ZNF37A: variants seen among roughly 807,000 people sequenced by gnomAD.
The protein encoded by ZNF37A is zinc finger protein 37A, also known as zinc finger protein 37a (KOX 21).
ZNF37A carries 10 observed loss-of-function variants against 12.3 expected under a neutral mutation model. That is an observed-to-expected ratio of 0.82 (90% CI 0.50 to 1.38). ZNF37A has a LOEUF of 1.38. ZNF37A is among the 40% of genes most tolerant of loss of function. The probability of loss-of-function intolerance (pLI) is 0.00; values close to 1 mark genes in which losing one functional copy is unlikely to be tolerated. For synonymous variants in ZNF37A, 207 were observed against 223.0 expected (o/e 0.93, Z 0.64); for missense variants, 580 against 651.2 (o/e 0.89, Z 1.19).
At position 38,123,372 on chromosome 10, in the gene ZNF37A, T is replaced by C. The variant is rs2069825790; in HGVS notation, c.*4535T>C. ...TTAAAATAATAGCAGTTTCTATAAA[T>C]TTAATATTTCAATAAAACTCCCAGT... On this transcript the variant is annotated 3_prime_UTR_variant, in exon 8 of 8. Transcript: ENST00000685332. 6.6e-6 allele frequency: 1 copy of C among 152,202 alleles called. No individual in the cohort carries two copies. The highest frequency in any genetic ancestry group is 2.4e-5 in the African/African-American group (1 of 41,454). The allele number at this position is 152,202 out of a possible 1,614,324, so 9.4% of individuals were successfully genotyped here. A position where few individuals can be genotyped will look rare whatever the true frequency, so the allele number is the denominator to read the frequency against.
chr10:38,098,711 T>C (rs1271240788), intron 5 of ZNF37A, among the ~76,000 whole-genome samples: 1 of 152,238 alleles, frequency 6.6e-6, no homozygotes, highest in African/African-American at 2.4e-5. Context: ...TCAGTGTCTA[T>C]AAAGTTTTAT....
At chr10:38,133,636 G>A (rs997023264) in intron 7 of ZNF37A, among the ~76,000 whole-genome samples, 37 of 152,026 alleles carry the variant, frequency 2.4e-4, no homozygotes, top group African/African-American at 7.7e-4. Flanking sequence ...CCCTACAAAG[G>A]ACATGAACTC....
chr10:38,129,319 A>AAAAAAAAAAAAC, downstream of ZNF37A, among the ~76,000 whole-genome samples: 74 of 116,246 alleles, frequency 6.4e-4, 1 homozygote, highest in African/African-American at 1.9e-3. Flanking sequence ...AAAAAAAAAA[A>AAAAAAAAAAAAC]AAACTATTAT....
chr10:38,135,051 T>C (rs2070089398), intron 7 of ZNF37A, among the ~76,000 whole-genome samples: 2 of 152,210 alleles, frequency 1.3e-5, no homozygotes, highest in Admixed American at 6.5e-5. Flanking sequence ...CCTAAAGTTA[T>C]AACAATATAA....
rs773210216 is a variant in ZNF37A at position 38,115,278 on chromosome 10, C to T, written c.226C>T (p.Gln76Ter). The T allele has an allele frequency of 6.2e-7, 1 of 1,613,428 alleles. No individual in the cohort carries two copies. Among genetic ancestry groups the T allele is most frequent in the East Asian group, 2.2e-5 (1 of 44,808 alleles). The change falls in exon 7 of 8, where the codon CAG (glutamine) becomes TAG (stop). Residue 76 changes from glutamine to a stop codon, truncating the protein, a stop_gained. Transcript: ENST00000685332. LOFTEE classifies it low-confidence loss of function (END_TRUNC). ...PWILEEKFPS[Q>*]SHLELINTSR... The stretch of plus-strand genomic sequence containing the variant: ...GATATTAGAGGAAAAATTTCCAAGC[C>T]AGAGTCATCTGGGTGAGTTAGTATG...
chr10:38,105,177 G>A (rs2067956347), intron 5 of ZNF37A, among the ~76,000 whole-genome samples: 1 of 151,800 alleles, frequency 6.6e-6, no homozygotes, highest in South Asian at 2.1e-4. Flanking sequence ...GGCTAATTTT[G>A]TATTTTTAGT....
intron 5 of ZNF37A, among the ~76,000 whole-genome samples, chr10:38,098,587 C>T (rs2067327997): frequency 6.6e-6 from 1 of 151,840 alleles, no homozygotes; most frequent in Non-Finnish European, 1.5e-5. Context: ...TCCCCTAGGT[C>T]TTCTTTCCTT....
chr10:38,105,773 A>G (rs1386806675), intron 5 of ZNF37A, among the ~76,000 whole-genome samples: 1 of 152,064 alleles, frequency 6.6e-6, no homozygotes, highest in East Asian at 1.9e-4. Flanking sequence ...AAATGGAATT[A>G]TTTTCTGAAT....
At chr10:38,116,540 G>A (rs779461654) in intron 7 of ZNF37A, among the ~76,000 whole-genome samples, 3 of 152,076 alleles carry the variant, frequency 2.0e-5, no homozygotes, top group Non-Finnish European at 2.9e-5. Flanking sequence ...TACCTAGAGC[G>A]AAATATATTC....
At chr10:38,127,995 G>A (rs1317707145), downstream of ZNF37A, among the ~76,000 whole-genome samples, 1 of 152,086 alleles carries the variant, frequency 6.6e-6, no homozygotes, top group Admixed American at 6.5e-5. Flanking sequence ...CTGAGAGAGG[G>A]TGGTTATCTA....
At chr10:38,133,889 C>T (rs1403344732) in intron 7 of ZNF37A, among the ~76,000 whole-genome samples, 1 of 152,198 alleles carries the variant, frequency 6.6e-6, no homozygotes, top group Non-Finnish European at 1.5e-5. Flanking sequence ...GGAATTGCCA[C>T]ACTATCTTCC....
At position 38,119,764 on chromosome 10, in the gene ZNF37A, CAA is replaced by C. The variant is rs1055048923; in HGVS notation, c.*928_*929del. The C allele has an allele frequency of 1.3e-5, 2 of 152,120 alleles. No individual in the cohort carries two copies. Among genetic ancestry groups the C allele is most frequent in the African/African-American group, 2.4e-5 (1 of 41,404 alleles). The allele number at this position is 152,120 out of a possible 1,614,324, so 9.4% of individuals were successfully genotyped here. A position where few individuals can be genotyped will look rare whatever the true frequency, so the allele number is the denominator to read the frequency against. On this transcript the variant is annotated 3_prime_UTR_variant, in exon 8 of 8. Transcript: ENST00000685332. Reference sequence around the variant, plus strand: ...ATTTTTTAGCAAGGGGACCCACAAACAAGAGTGCTCTTGTATGTCCAGAAGAA... The same window carrying C: ...ATTTTTTAGCAAGGGGACCCACAAACGAGTGCTCTTGTATGTCCAGAAGAA...
chr10:38,118,323 C>T lies in ZNF37A; in HGVS notation c.1172C>T (p.Ala391Val). 1.2e-6 allele frequency: 2 copies of T among 1,613,772 alleles called. No individual in the cohort carries two copies. The highest frequency in any genetic ancestry group is 1.7e-6 in the Non-Finnish European group (2 of 1,179,968). The change falls in exon 8 of 8, where the codon GCC becomes GTC. Residue 391 changes from alanine (A) to valine (V), a missense_variant. Ala to Val is a moderately conservative substitution (Grantham distance 64, BLOSUM62 0). Transcript: ENST00000685332. ...TATGAATGCTATGCATGTGGGAAAGCCTTTCTCAGAAAATCAGACCTCATT... is the reference window on the plus strand; with the variant it reads ...TATGAATGCTATGCATGTGGGAAAGTCTTTCTCAGAAAATCAGACCTCATT... ...KPYECYACGK[A>V]FLRKSDLIKH...
Position 38,118,967 on chromosome 10 carries a change from T to C in ZNF37A, c.*130T>C. 1 of 1,244,828 alleles carries C rather than the reference T, an allele frequency of 8.0e-7. No homozygotes were observed. The highest frequency in any genetic ancestry group is 1.0e-6 in the Non-Finnish European group (1 of 965,258). 77.1% of individuals were successfully genotyped at this position (1,244,828 alleles called of 1,614,324 possible). A position where few individuals can be genotyped will look rare whatever the true frequency, so the allele number is the denominator to read the frequency against. ...GAGAACTTAAAGAGGGAAAAAACAA[T>C]ATGAAGATAGGGAATGCAGGAAAAC... On this transcript the variant is annotated 3_prime_UTR_variant, in exon 8 of 8. Transcript: ENST00000685332.
At position 38,117,657 on chromosome 10, in the gene ZNF37A, C is replaced by G; in HGVS notation, c.506C>G (p.Thr169Arg). 6.2e-7 allele frequency: 1 copy of G among 1,613,948 alleles called. No individual in the cohort carries two copies. Among genetic ancestry groups the G allele is most frequent in the South Asian group, 1.1e-5 (1 of 91,068 alleles). ...SLFLVHKRGY[T>R]GQKTCKYTEH... ...TTCCTTGTACATAAGAGAGGTTACA[C>G]AGGACAGAAAACCTGCAAATATACT... The change falls in exon 8 of 8, where the codon ACA becomes AGA. Residue 169 changes from threonine to arginine, a missense_variant. Coordinates refer to ENST00000685332, the MANE Select transcript of ZNF37A (RefSeq NM_001324250.3).
At chr10:38,097,455 G>A (rs1040824627) in intron 5 of ZNF37A, among the ~76,000 whole-genome samples, 4 of 151,822 alleles carry the variant, frequency 2.6e-5, no homozygotes, top group East Asian at 1.9e-4. Flanking sequence ...GCGTGCACCT[G>A]TAATCCCAGC....
exon 8 of ZNF37A, chr10:38,148,241 A>G (rs1337152463): frequency 6.6e-6 from 1 of 152,274 alleles, no homozygotes; most frequent in Non-Finnish European, 1.5e-5. Flanking sequence ...AGAAAAATGA[A>G]CTGGCCCAAA....
At chr10:38,127,596 G>A (rs1174679271), downstream of ZNF37A, among the ~76,000 whole-genome samples, 3 of 152,238 alleles carry the variant, frequency 2.0e-5, no homozygotes, top group African/African-American at 7.2e-5. Flanking sequence ...CAGTTTGTTA[G>A]TAGAACACCT....
At chr10:38,130,497 G>C (rs2070008630), downstream of ZNF37A, among the ~76,000 whole-genome samples, 1 of 151,954 alleles carries the variant, frequency 6.6e-6, no homozygotes, top group African/African-American at 2.4e-5. Context: ...GTCTTGCTCT[G>C]TCACCCAGGC....
Sources: allele counts gnomAD v4.1 joint callset (sites outside exome capture counted in the v4.1 genomes callset), GRCh38; gene constraint gnomAD v4.1.1; transcripts MANE v1.5; gene names NCBI Gene and HGNC (gene_info 2026-07-23, HGNC 2026-07-21).